The following FAT3 variants were observed in gnomAD, a reference collection of about 807,000 sequenced individuals.
FAT3 encodes the protein FAT atypical cadherin 3.
FAT3 carries 95 observed loss-of-function variants against 310.2 expected under a neutral mutation model. The ratio of observed to expected loss-of-function variants is 0.31; its 90% CI spans 0.26 to 0.36. The LOEUF (loss-of-function observed/expected upper bound fraction) is 0.36. FAT3 is among the 10% of genes least tolerant of loss of function. The pLI is 1.00. For synonymous variants in FAT3, 2,314 were observed against 2,192.9 expected (o/e 1.06, Z -1.54); for missense variants, 5,408 against 5,715.6 (o/e 0.95, Z 1.74).
intron 1 of FAT3, among the ~76,000 whole-genome samples, chr11:92,225,654 G>T (rs1293176886): frequency 6.6e-6 from 1 of 152,074 alleles, no homozygotes; most frequent in Non-Finnish European, 1.5e-5. Flanking sequence ...TTGGGTCATC[G>T]CTAGGCGAGG....
chr11:92,844,390 A>C lies in FAT3; in HGVS notation c.11023A>C (p.Asn3675His). 6.2e-7 allele frequency: 1 copy of C among 1,613,896 alleles called. No homozygotes were observed. The highest frequency in any genetic ancestry group is 8.5e-7 in the Non-Finnish European group (1 of 1,179,876). ...HMHGFRRTLRNAVLTQKQDSL... is the reference protein window; with the variant it reads ...HMHGFRRTLRHAVLTQKQDSL... ...GCATGGGTTCCGGCGCACCCTGCGG[A>C]ATGCAGTCCTCACCCAGAAGCAGGA... The change falls in exon 19 of 28, where the codon AAT (asparagine) becomes CAT (histidine). Residue 3675 changes from asparagine to histidine, a missense_variant. By Grantham distance (68) the Asn-to-His change is moderately conservative. Coordinates refer to ENST00000525166, the MANE Select transcript of FAT3 (RefSeq NM_001367949.2).
chr11:92,686,097 T>C (rs1265602598), intron 3 of FAT3, among the ~76,000 whole-genome samples: 6 of 152,190 alleles, frequency 3.9e-5, no homozygotes, highest in Admixed American at 2.6e-4. Flanking sequence ...GTTGTATTGG[T>C]AAATGATTAA....
chr11:92,492,287 C>CCATT (rs199689525), intron 2 of FAT3, among the ~76,000 whole-genome samples: 6 of 149,054 alleles, frequency 4.0e-5, no homozygotes, highest in East Asian at 2.0e-4. Flanking sequence ...ATCCATCCAT[C>CCATT]CATTCATCCA....
chr11:92,744,965 G>A (rs1758408898), intron 4 of FAT3, among the ~76,000 whole-genome samples: 1 of 152,160 alleles, frequency 6.6e-6, no homozygotes, highest in Admixed American at 6.5e-5. Flanking sequence ...AGAGGAGAAA[G>A]CAGTGTTTGC....
intron 6 of FAT3, 27 bp from the exon 7 acceptor site, chr11:92,774,014 A>G: frequency 1.9e-6 from 3 of 1,610,446 alleles, no homozygotes; most frequent in Non-Finnish European, 2.5e-6. Flanking sequence ...CAGATTTGCT[A>G]ATTTCATGTT....
intron 3 of FAT3, among the ~76,000 whole-genome samples, chr11:92,583,953 G>A (rs910778539): frequency 7.2e-5 from 11 of 152,024 alleles, no homozygotes; most frequent in African/African-American, 2.7e-4. Context: ...GGTACTAAAC[G>A]AAGAGAAGTG....
chr11:92,880,491 C>T (rs1309460650), intron 22 of FAT3, among the ~76,000 whole-genome samples: 1 of 151,878 alleles, frequency 6.6e-6, no homozygotes. Context: ...ACAGTTCTCA[C>T]TAGCATTCAT....
At chr11:92,530,815 C>G (rs57436248) in intron 3 of FAT3, among the ~76,000 whole-genome samples, 2 of 151,548 alleles carry the variant, frequency 1.3e-5, no homozygotes, top group Non-Finnish European at 2.9e-5. Flanking sequence ...ATGCACAGTT[C>G]CATGTGGTGG....
intron 2 of FAT3, among the ~76,000 whole-genome samples, chr11:92,420,221 C>G (rs1198260947): frequency 1.3e-5 from 2 of 152,202 alleles, no homozygotes; most frequent in East Asian, 3.8e-4. Flanking sequence ...ACTTTGCTGA[C>G]TTCTGCCTTA....
At chr11:92,274,472 G>A (rs1015207830) in intron 1 of FAT3, among the ~76,000 whole-genome samples, 1 of 151,876 alleles carries the variant, frequency 6.6e-6, no homozygotes, top group Non-Finnish European at 1.5e-5. Flanking sequence ...AGGTTTTTTA[G>A]CACTTCAGAA....
At chr11:92,524,972 C>A (rs948773514) in intron 3 of FAT3, 24 bp downstream of exon 3, 4 of 1,589,442 alleles carry the variant, frequency 2.5e-6, no homozygotes, top group African/African-American at 1.3e-5. Flanking sequence ...TATATGACTT[C>A]TTTTTAGTTT....
intron 19 of FAT3, among the ~76,000 whole-genome samples, chr11:92,851,427 T>C (rs371882928): frequency 6.6e-6 from 1 of 152,140 alleles, no homozygotes; most frequent in East Asian, 1.9e-4. Flanking sequence ...AATCGAGACC[T>C]AGAAAAGACA....
chr11:92,535,245 G>C (rs968915446), intron 3 of FAT3, among the ~76,000 whole-genome samples: 5 of 152,174 alleles, frequency 3.3e-5, no homozygotes, highest in African/African-American at 1.2e-4. Flanking sequence ...GTTAGAAGCA[G>C]AGATTGGAGT....
chr11:92,879,426 C>A (rs1949621082), intron 22 of FAT3, among the ~76,000 whole-genome samples: 1 of 152,138 alleles, frequency 6.6e-6, no homozygotes, highest in South Asian at 2.1e-4. Flanking sequence ...TACAGGGAAG[C>A]AGAGGCAACT....
intron 3 of FAT3, chr11:92,559,551 CT>C: frequency 3.5e-6 from 1 of 283,836 alleles, no homozygotes; most frequent in Non-Finnish European, 7.1e-6. Flanking sequence ...TGCCCAGCTA[CT>C]TTTTTAAATA....
intron 2 of FAT3, among the ~76,000 whole-genome samples, chr11:92,391,433 AT>A (rs1314983111): frequency 6.6e-6 from 1 of 152,144 alleles, no homozygotes; most frequent in African/African-American, 2.4e-5. Flanking sequence ...ATGAGTGTCA[AT>A]CACCCCTAAG....
At chr11:92,771,772 A>G (rs1329042906) in intron 6 of FAT3, among the ~76,000 whole-genome samples, 1 of 152,066 alleles carries the variant, frequency 6.6e-6, no homozygotes, top group Non-Finnish European at 1.5e-5. Flanking sequence ...TAAAAAAAAA[A>G]AAAACATAAA....
intron 3 of FAT3, among the ~76,000 whole-genome samples, chr11:92,538,383 G>T (rs1371087365): frequency 6.6e-6 from 1 of 152,056 alleles, no homozygotes; most frequent in Admixed American, 6.6e-5. Flanking sequence ...TTCTTAACTT[G>T]GTATAGCTCA....
intron 2 of FAT3, among the ~76,000 whole-genome samples, chr11:92,418,584 G>A (rs551023391): frequency 6.6e-6 from 1 of 152,032 alleles, no homozygotes; most frequent in Admixed American, 6.6e-5. Flanking sequence ...CTTTGGTAAG[G>A]ATGCTACTTA....
Sources: allele counts gnomAD v4.1 joint callset (sites outside exome capture counted in the v4.1 genomes callset), GRCh38; gene constraint gnomAD v4.1.1; transcripts MANE v1.5; gene names NCBI Gene and HGNC (gene_info 2026-07-23, HGNC 2026-07-21).